DCDC1: variants seen among roughly 807,000 people sequenced by gnomAD.
The protein encoded by DCDC1 is doublecortin domain containing 1, also known as doublecortin domain-containing protein 1.
In DCDC1, 200 loss-of-function variants were observed where a neutral mutation model predicts 178.3. That is an observed-to-expected ratio of 1.12 (90% CI 1.00 to 1.26). The LOEUF is 1.26. Among genes scored for constraint, DCDC1 ranks in the 50% most tolerant of loss-of-function variants. The pLI is 0.00. For missense variants in DCDC1, 1,983 were observed against 1,749.2 expected (o/e 1.13, Z -2.38); for synonymous variants, 690 against 604.8 (o/e 1.14, Z -2.07).
At chr11:31,138,793 G>A (rs1042892496) in intron 9 of DCDC1, among the ~76,000 whole-genome samples, 6 of 152,160 alleles carry the variant, frequency 3.9e-5, no homozygotes, top group African/African-American at 1.4e-4. Flanking sequence ...AATAGAGGAA[G>A]GGAGGTTCAA....
intron 9 of DCDC1, among the ~76,000 whole-genome samples, chr11:31,159,207 G>A (rs762723055): frequency 8.7e-4 from 132 of 152,150 alleles, no homozygotes; most frequent in Non-Finnish European, 1.7e-3. Flanking sequence ...TGGTTCCACA[G>A]AAAACATCAC....
intron 20 of DCDC1, among the ~76,000 whole-genome samples, chr11:30,994,885 A>G (rs1030744449): frequency 4.6e-5 from 7 of 150,828 alleles, no homozygotes; most frequent in Non-Finnish European, 1.0e-4. Flanking sequence ...TTCATTTCTT[A>G]CTACTGCTAT....
At chr11:31,110,819 C>T (rs1468090981) in intron 11 of DCDC1, among the ~76,000 whole-genome samples, 2 of 152,082 alleles carry the variant, frequency 1.3e-5, no homozygotes, top group African/African-American at 2.4e-5. Context: ...AATATATCAG[C>T]GTTCAGCTAA....
chr11:31,284,079 C>A (rs1321494920), intron 7 of DCDC1, among the ~76,000 whole-genome samples: 1 of 151,998 alleles, frequency 6.6e-6, no homozygotes, highest in Non-Finnish European at 1.5e-5. Context: ...TTAGGCATTA[C>A]AGCTGATGCT....
intron 3 of DCDC1, among the ~76,000 whole-genome samples, chr11:31,316,975 G>A (rs1949147071): frequency 2.1e-5 from 1 of 46,670 alleles, no homozygotes; most frequent in Non-Finnish European, 3.6e-5. Flanking sequence ...TAGATATGCG[G>A]CATTATTTCT....
rs375091346 is a variant in DCDC1 at position 31,223,333 on chromosome 11, T to C, written c.1221+18117A>G. Reference sequence around the variant, plus strand: ...AAGTCACAAAGGGTATGTATGTATGTATTTATGTATGTATGCATATGTGGG... The same window carrying C: ...AAGTCACAAAGGGTATGTATGTATGCATTTATGTATGTATGCATATGTGGG... On this transcript the variant is annotated intron_variant, in intron 9 of 38. Transcript: ENST00000684477. Among the ~76,000 whole-genome samples the C allele has an allele frequency of 2.0e-5, 3 of 152,186 alleles. No individual in the cohort carries two copies. In the South Asian group the frequency reaches 6.2e-4, roughly 32 times the overall value.
chr11:31,192,830 A>G (rs1365340809), intron 9 of DCDC1, among the ~76,000 whole-genome samples: 1 of 152,082 alleles, frequency 6.6e-6, no homozygotes, highest in Non-Finnish European at 1.5e-5. Flanking sequence ...TTTCAGGAAG[A>G]GATTTGCATT....
intron 9 of DCDC1, among the ~76,000 whole-genome samples, chr11:31,197,946 C>T (rs1165443489): frequency 6.6e-6 from 1 of 152,010 alleles, no homozygotes; most frequent in East Asian, 1.9e-4. Context: ...ATAGTACCTA[C>T]ATCACTGTTG....
intron 3 of DCDC1, among the ~76,000 whole-genome samples, chr11:31,313,960 A>G (rs993212060): frequency 1.3e-5 from 2 of 152,156 alleles, no homozygotes; most frequent in African/African-American, 4.8e-5. Context: ...CTGGAAGTGT[A>G]TATGTCTCTA....
intron 8 of DCDC1, among the ~76,000 whole-genome samples, chr11:31,265,284 A>G (rs976179717): frequency 5.3e-5 from 8 of 152,142 alleles, no homozygotes; most frequent in African/African-American, 1.9e-4. Context: ...ACTAAGGTTA[A>G]AATACCCATC....
chr11:31,075,222 A>G (rs551080994), intron 18 of DCDC1, among the ~76,000 whole-genome samples: 14 of 152,192 alleles, frequency 9.2e-5, no homozygotes, highest in African/African-American at 2.9e-4. Flanking sequence ...AAAATATATT[A>G]TTTCATTCTT....
intron 18 of DCDC1, among the ~76,000 whole-genome samples, chr11:31,068,397 C>T (rs1956372834): frequency 6.6e-6 from 1 of 152,232 alleles, no homozygotes; most frequent in East Asian, 1.9e-4. Context: ...CAAACATATA[C>T]ATATTACAAA....
At chr11:31,077,611 C>T (rs774224953) in intron 18 of DCDC1, among the ~76,000 whole-genome samples, 19 of 151,668 alleles carry the variant, frequency 1.3e-4, no homozygotes, top group Non-Finnish European at 2.5e-4. Context: ...AAAACTGATG[C>T]CCTAAAATGC....
At chr11:31,153,536 A>G (rs1218495973) in intron 9 of DCDC1, among the ~76,000 whole-genome samples, 2 of 152,142 alleles carry the variant, frequency 1.3e-5, no homozygotes, top group Non-Finnish European at 2.9e-5. Context: ...TAACCCCAGT[A>G]TTTTGGGAGG....
chr11:30,883,175 A>G (rs534912762), intron 36 of DCDC1: 1 of 153,588 alleles, frequency 6.5e-6, no homozygotes, highest in East Asian at 1.9e-4. Context: ...GCTGCTAGTG[A>G]GAGAAGAAAT....
intron 20 of DCDC1, among the ~76,000 whole-genome samples, chr11:31,021,359 A>G (rs1388486040): frequency 6.6e-6 from 1 of 152,232 alleles, no homozygotes; most frequent in Non-Finnish European, 1.5e-5. Context: ...ACTTAAATAA[A>G]TTATGGTACA....
intron 9 of DCDC1, among the ~76,000 whole-genome samples, chr11:31,225,154 T>A (rs1243610266): frequency 1.3e-5 from 2 of 152,108 alleles, no homozygotes; most frequent in Non-Finnish European, 2.9e-5. Context: ...ATGTGGCATA[T>A]ATACATCATG....
intron 20 of DCDC1, among the ~76,000 whole-genome samples, chr11:30,974,490 G>C (rs1949995273): frequency 6.6e-6 from 1 of 151,968 alleles, no homozygotes. Context: ...AAGAAAAAAA[G>C]AGAGAAGACC....
intron 9 of DCDC1, among the ~76,000 whole-genome samples, chr11:31,205,219 A>T (rs769495611): frequency 5.3e-5 from 8 of 152,176 alleles, no homozygotes; most frequent in Admixed American, 1.3e-4. Flanking sequence ...TGTTTGTATA[A>T]ATAAAGTTTT....
Sources: gnomAD v4.1 joint callset for allele counts (sites outside exome capture counted in the v4.1 genomes callset) on GRCh38, gnomAD v4.1.1 for gene constraint, MANE v1.5 for transcripts, NCBI Gene and HGNC (gene_info 2026-07-23, HGNC 2026-07-21) for gene names.